Variants in CIP2A observed in about 807,000 individuals in gnomAD.
The protein encoded by CIP2A is protein CIP2A.
In CIP2A, 103 loss-of-function variants were observed where a neutral mutation model predicts 110.9. That is an observed-to-expected ratio of 0.93 (90% CI 0.79 to 1.09). CIP2A has a LOEUF of 1.09. Among genes scored for constraint, CIP2A ranks in the 50% least tolerant of loss-of-function variants. The pLI, the probability that CIP2A is intolerant of heterozygous loss-of-function variation, is 0.00. For synonymous variants in CIP2A, 381 were observed against 361.6 expected (o/e 1.05, Z -0.61); for missense variants, 1,088 against 1,038.4 (o/e 1.05, Z -0.66).
At chr3:108,576,184 G>C in intron 8 of CIP2A, 87 bp downstream of exon 8, 1 of 723,948 alleles carries the variant, frequency 1.4e-6, no homozygotes. Flanking sequence ...CTGTGCATTT[G>C]GATTTTTCTG....
intron 8 of CIP2A, among the ~76,000 whole-genome samples, chr3:108,572,708 C>T (rs1938440021): frequency 2.0e-5 from 3 of 151,804 alleles, no homozygotes; most frequent in Admixed American, 1.3e-4. Context: ...AATAGATTCA[C>T]TTAATTTTAA....
intron 7 of CIP2A, among the ~76,000 whole-genome samples, chr3:108,577,017 C>T (rs77309189): frequency 0.042 from 6,422 of 152,064 alleles, 501 homozygotes; most frequent in African/African-American, 0.15. Context: ...AACCCAGACT[C>T]GAGTCTTAAA....
rs778731550 is a variant in CIP2A, at chr3:108,550,988, T to C, written c.*161A>G. 3 of 394,596 alleles carry C rather than the reference T, an allele frequency of 7.6e-6. No individual in the cohort carries two copies. Among genetic ancestry groups the C allele is most frequent in the Non-Finnish European group, 1.3e-5 (3 of 227,892 alleles). 24.4% of individuals were successfully genotyped at this position (394,596 alleles called of 1,614,324 possible). A position where few individuals can be genotyped will look rare whatever the true frequency, so the allele number is the denominator to read the frequency against. On this transcript the variant is annotated 3_prime_UTR_variant, in exon 21 of 21. Coordinates refer to ENST00000295746, the MANE Select transcript of CIP2A (RefSeq NM_020890.3). ...TAGAAAATTAAATTTCTATTCAAAC[T>C]ATCAAATAAAAAACATGCAACAGAT... is the stretch of plus-strand genomic sequence containing the variant.
rs60468972 is a variant in CIP2A at position 108,560,604 on chromosome 3, T to C, written c.1827+45A>G. 1.5e-3 allele frequency: 1,806 copies of C among 1,206,000 alleles called. 10 individuals are homozygous for C. In the African/African-American group the frequency reaches 0.025, roughly 16 times the overall value. 74.7% of individuals were successfully genotyped at this position (1,206,000 alleles called of 1,614,324 possible). On this transcript the variant is annotated intron_variant, in intron 14 of 20. Coordinates refer to ENST00000295746, the MANE Select transcript of CIP2A (RefSeq NM_020890.3). ...ATACACGTTATAATTGGGACTGACA[T>C]ATAGCTAATATGTACCAGGTTATAA...
chr3:108,551,290 T>C lies in CIP2A; in HGVS notation c.2577A>G (p.Gln859=). ...CTTTCTCTTCCAAACGACCTTCTAA[T>C]TGTGCCTTTTGAACCTCTAGGGAGG... ...KASSLEVQKA[Q]LEGRLEEKES... Residue 859 remains glutamine (Q), a synonymous_variant, in exon 21 of 21, where the codon CAA becomes CAG. Transcript: ENST00000295746. 1.2e-6 allele frequency: 2 copies of C among 1,611,856 alleles called. No individual in the cohort carries two copies. Among genetic ancestry groups the C allele is most frequent in the Non-Finnish European group, 1.7e-6 (2 of 1,178,610 alleles).
At chr3:108,556,837 A>C (rs1183896290) in intron 17 of CIP2A, among the ~76,000 whole-genome samples, 1 of 152,146 alleles carries the variant, frequency 6.6e-6, no homozygotes, top group African/African-American at 2.4e-5. Context: ...CCTAATACTA[A>C]TTTGACAACT....
intron 1 of CIP2A, among the ~76,000 whole-genome samples, chr3:108,588,480 T>C (rs1939164083): frequency 7.2e-6 from 1 of 139,416 alleles, no homozygotes; most frequent in South Asian, 2.3e-4. Flanking sequence ...CATTAGTCTT[T>C]TATCATAGGG....
At chr3:108,570,421 T>C (rs996652963) in intron 8 of CIP2A, among the ~76,000 whole-genome samples, 2 of 152,122 alleles carry the variant, frequency 1.3e-5, no homozygotes, top group African/African-American at 4.8e-5. Flanking sequence ...TGTCACTTAG[T>C]GATGCATATG....
chr3:108,560,541 A>G, intron 14 of CIP2A, 108 bp downstream of exon 14: 1 of 639,028 alleles, frequency 1.6e-6, no homozygotes, highest in South Asian at 3.2e-5. Flanking sequence ...TCTTATATTA[A>G]GGTTTCAATA....
At chr3:108,574,172 A>T (rs970102276) in intron 8 of CIP2A, among the ~76,000 whole-genome samples, 1 of 152,192 alleles carries the variant, frequency 6.6e-6, no homozygotes, top group Non-Finnish European at 1.5e-5. Flanking sequence ...CTTATAAGAG[A>T]AAGACAACGC....
At chr3:108,581,352 A>G in intron 5 of CIP2A, 63 bp downstream of exon 5, 2 of 1,147,024 alleles carry the variant, frequency 1.7e-6, no homozygotes, top group Non-Finnish European at 2.5e-6. Context: ...GATAAATACA[A>G]TTTTCTTTAA....
At chr3:108,587,564 C>T (rs1480816768) in intron 1 of CIP2A, among the ~76,000 whole-genome samples, 1 of 152,006 alleles carries the variant, frequency 6.6e-6, no homozygotes, top group Non-Finnish European at 1.5e-5. Context: ...AGCTATGGTA[C>T]CTATATATTA....
chr3:108,566,237 C>A (rs575559328), intron 11 of CIP2A, among the ~76,000 whole-genome samples: 1 of 151,682 alleles, frequency 6.6e-6, no homozygotes, highest in South Asian at 2.1e-4. Flanking sequence ...ATGTTCAGAA[C>A]CCTTAGATAA....
intron 8 of CIP2A, among the ~76,000 whole-genome samples, chr3:108,571,005 A>G (rs1938386076): frequency 6.6e-6 from 1 of 151,988 alleles, no homozygotes; most frequent in Non-Finnish European, 1.5e-5. Flanking sequence ...TTTTTTTGTT[A>G]AAAACAAAGA....
chr3:108,569,168 CTA>C lies in CIP2A; in HGVS notation c.1113+219_1113+220del, dbSNP rs1163991017. ...TTTACTTATTACACTGAAATGAGCA[CTA>C]TATATATATATACATACACACTACT... On this transcript the variant is annotated intron_variant, in intron 9 of 20. Coordinates refer to ENST00000295746, the MANE Select transcript of CIP2A (RefSeq NM_020890.3). Among the ~76,000 whole-genome samples the C allele has an allele frequency of 3.4e-3, 38 of 11,090 alleles. 6 individuals are homozygous for C. Among genetic ancestry groups the C allele is most frequent in the Non-Finnish European group, 6.8e-3 (33 of 4,884 alleles). The allele number at this position is 11,090 out of a possible 152,430, so 7.3% of individuals were successfully genotyped here. A position where few individuals can be genotyped will look rare whatever the true frequency, so the allele number is the denominator to read the frequency against.
intron 8 of CIP2A, among the ~76,000 whole-genome samples, chr3:108,573,517 C>A (rs1476270274): frequency 6.6e-6 from 1 of 151,634 alleles, no homozygotes; most frequent in Admixed American, 6.6e-5. Context: ...CTTCTACTCC[C>A]CTGTGCTACC....
At chr3:108,585,261 T>C (rs762558233) in intron 1 of CIP2A, 49 bp from the exon 2 acceptor site, 2 of 1,495,120 alleles carry the variant, frequency 1.3e-6, no homozygotes, top group Admixed American at 2.1e-5. Flanking sequence ...GCAATTTTCA[T>C]CTCTTCTCCA....
chr3:108,582,271 C>T (rs1008418392), intron 3 of CIP2A, 69 bp from the exon 4 acceptor site: 3 of 618,826 alleles, frequency 4.8e-6, no homozygotes, highest in Non-Finnish European at 8.2e-6. Flanking sequence ...AATGGACTCT[C>T]AGGCACATTC....
intron 4 of CIP2A, among the ~76,000 whole-genome samples, 182 bp from the exon 5 acceptor site, chr3:108,581,693 C>G (rs139057053): frequency 6.6e-6 from 1 of 151,906 alleles, no homozygotes; most frequent in Admixed American, 6.6e-5. Flanking sequence ...GATCATTTAT[C>G]TCATTTTAAA....
Sources: gnomAD v4.1 joint callset for allele counts (sites outside exome capture counted in the v4.1 genomes callset) on GRCh38, gnomAD v4.1.1 for gene constraint, MANE v1.5 for transcripts, NCBI Gene and HGNC (gene_info 2026-07-23, HGNC 2026-07-21) for gene names.